The following CHRM3 variants were observed in gnomAD, a reference collection of about 807,000 sequenced individuals.
CHRM3 encodes muscarinic acetylcholine receptor M3.
A neutral mutation model predicts 41.8 loss-of-function variants in CHRM3; 11 were observed. That is an observed-to-expected ratio of 0.26 (90% confidence interval 0.17 to 0.44). The LOEUF is 0.44. Among genes scored for constraint, CHRM3 ranks in the 20% least tolerant of loss-of-function variants. The probability of loss-of-function intolerance (pLI) is 1.00; values close to 1 mark genes in which losing one functional copy is unlikely to be tolerated. For missense variants in CHRM3, 571 were observed against 745.4 expected (o/e 0.77, Z 2.72); for synonymous variants, 297 against 301.4 (o/e 0.99, Z 0.15).
intron 4 of CHRM3, among the ~76,000 whole-genome samples, chr1:239,662,893 C>CTCCTCTTCT (rs377732277): frequency 4.1e-4 from 19 of 46,396 alleles, no homozygotes; most frequent in South Asian, 2.0e-3. Flanking sequence ...CTTCCTCCTC[C>CTCCTCTTCT]TCTTCTTCTT....
chr1:239,781,715 C>G (rs570453712), intron 5 of CHRM3, among the ~76,000 whole-genome samples: 11 of 152,066 alleles, frequency 7.2e-5, no homozygotes, highest in Non-Finnish European at 1.2e-4. Flanking sequence ...GGGAAAGCTA[C>G]TAGTTTCTCA....
chr1:239,601,283 G>A lies in CHRM3; in HGVS notation c.-312-30941G>A, dbSNP rs746708949. Among the ~76,000 whole-genome samples the A allele has an allele frequency of 4.4e-4, 67 of 152,320 alleles. 1 individual carries two copies. Among genetic ancestry groups the A allele is most frequent in the Non-Finnish European group, 6.9e-4 (47 of 68,036 alleles). Reference sequence around the variant, plus strand: ...AAAGAGGCACAGAATGTGAGTGATGGTGATGTGAGTAATGGCAATGTTGGG... The same window carrying A: ...AAAGAGGCACAGAATGTGAGTGATGATGATGTGAGTAATGGCAATGTTGGG... On this transcript the variant is annotated intron_variant, in intron 3 of 6. Transcript: ENST00000676153.
At chr1:239,790,633 T>G (rs1669267236) in intron 5 of CHRM3, among the ~76,000 whole-genome samples, 1 of 152,188 alleles carries the variant, frequency 6.6e-6, no homozygotes, top group African/African-American at 2.4e-5. Context: ...ATTAGCCACA[T>G]AAGAACAGAC....
At chr1:239,761,120 C>A (rs974994046) in intron 5 of CHRM3, among the ~76,000 whole-genome samples, 3 of 151,924 alleles carry the variant, frequency 2.0e-5, no homozygotes, top group African/African-American at 7.3e-5. Context: ...TGTTTAATAT[C>A]TCTATATATC....
chr1:239,414,278 C>T (rs1661329593), intron 1 of CHRM3, among the ~76,000 whole-genome samples: 1 of 152,112 alleles, frequency 6.6e-6, no homozygotes, highest in Non-Finnish European at 1.5e-5. Context: ...AACTGCTTGT[C>T]TTTGACATAA....
chr1:239,541,724 G>A (rs1225513000), intron 2 of CHRM3, among the ~76,000 whole-genome samples: 2 of 152,074 alleles, frequency 1.3e-5, no homozygotes, highest in South Asian at 2.1e-4. Context: ...TGTTGCCCAG[G>A]GTGGTCTTGA....
At chr1:239,676,731 G>A (rs1658039440) in intron 4 of CHRM3, among the ~76,000 whole-genome samples, 1 of 152,104 alleles carries the variant, frequency 6.6e-6, no homozygotes, top group African/African-American at 2.4e-5. Context: ...CACATGGTAG[G>A]GGTGAACTTA....
At chr1:239,547,266 T>A (rs1260532008) in intron 3 of CHRM3, among the ~76,000 whole-genome samples, 3 of 152,184 alleles carry the variant, frequency 2.0e-5, no homozygotes, top group Non-Finnish European at 2.9e-5. Context: ...TCCACCATTT[T>A]GTAGTTTTGC....
intron 1 of CHRM3, among the ~76,000 whole-genome samples, chr1:239,454,369 T>C (rs1664772401): frequency 6.6e-6 from 1 of 152,050 alleles, no homozygotes; most frequent in African/African-American, 2.4e-5. Flanking sequence ...ATGAAAGAGA[T>C]GCACAGAACA....
At chr1:239,583,545 ATACT>A (rs1261896722) in intron 3 of CHRM3, among the ~76,000 whole-genome samples, 1 of 152,056 alleles carries the variant, frequency 6.6e-6, no homozygotes, top group Non-Finnish European at 1.5e-5. Flanking sequence ...TAGTATAGAG[ATACT>A]TAGTCTAAGA....
At chr1:239,507,804 G>T (rs1361366384) in intron 2 of CHRM3, among the ~76,000 whole-genome samples, 1 of 152,162 alleles carries the variant, frequency 6.6e-6, no homozygotes, top group Non-Finnish European at 1.5e-5. Context: ...GTTAAAATCT[G>T]CTTTGGACTT....
intron 3 of CHRM3, among the ~76,000 whole-genome samples, chr1:239,607,103 T>G (rs1246803782): frequency 1.3e-5 from 2 of 152,200 alleles, no homozygotes; most frequent in African/African-American, 4.8e-5. Flanking sequence ...GTTTTTTGTT[T>G]TTCTAAAGCA....
intron 2 of CHRM3, among the ~76,000 whole-genome samples, chr1:239,513,196 A>G (rs1284475764): frequency 1.3e-5 from 2 of 152,208 alleles, no homozygotes; most frequent in South Asian, 2.1e-4. Context: ...ATAAGGGCAC[A>G]CTATTAAACA....
chr1:239,613,324 A>G (rs1667272415), intron 3 of CHRM3, among the ~76,000 whole-genome samples: 1 of 152,242 alleles, frequency 6.6e-6, no homozygotes, highest in Non-Finnish European at 1.5e-5. Flanking sequence ...ATGACTAGTG[A>G]CTTGGAGCAG....
chr1:239,440,589 A>C (rs760715530), intron 1 of CHRM3, among the ~76,000 whole-genome samples: 5 of 152,200 alleles, frequency 3.3e-5, no homozygotes, highest in Non-Finnish European at 7.3e-5. Context: ...GGCAGGGCCA[A>C]CTCTACATTC....
chr1:239,571,325 A>G (rs139785824), intron 3 of CHRM3, among the ~76,000 whole-genome samples: 1 of 152,036 alleles, frequency 6.6e-6, no homozygotes, highest in Non-Finnish European at 1.5e-5. Context: ...TTTAGCAAGG[A>G]AACAGTGCAA....
intron 3 of CHRM3, among the ~76,000 whole-genome samples, chr1:239,590,370 T>G (rs1157894990): frequency 2.0e-5 from 3 of 152,308 alleles, no homozygotes; most frequent in Non-Finnish European, 2.9e-5. Flanking sequence ...CTTAGAGACT[T>G]TATAGTCTAA....
intron 5 of CHRM3, among the ~76,000 whole-genome samples, chr1:239,767,915 G>T (rs1667350392): frequency 6.6e-6 from 1 of 152,078 alleles, no homozygotes; most frequent in African/African-American, 2.4e-5. Flanking sequence ...GTTCACGTGG[G>T]CTGGAGTGGG....
At chr1:239,872,664 T>A (rs1033500814) in intron 6 of CHRM3, among the ~76,000 whole-genome samples, 1 of 152,170 alleles carries the variant, frequency 6.6e-6, no homozygotes, top group African/African-American at 2.4e-5. Flanking sequence ...AACATTATAC[T>A]TATGAAAATG....
Sources: allele counts gnomAD v4.1 joint callset (sites outside exome capture counted in the v4.1 genomes callset), GRCh38; gene constraint gnomAD v4.1.1; transcripts MANE v1.5; gene names NCBI Gene and HGNC (gene_info 2026-07-23, HGNC 2026-07-21).